EFHC2: variants seen among roughly 807,000 people sequenced by gnomAD.
EFHC2 encodes the protein EF-hand domain-containing family member C2.
In EFHC2, 18 loss-of-function variants were observed where a neutral mutation model predicts 52.7. The ratio of observed to expected loss-of-function variants is 0.34; its 90% CI spans 0.24 to 0.51. The LOEUF is 0.51. EFHC2 is among the 20% of genes least tolerant of loss of function. EFHC2 has a pLI of 0.97. For synonymous variants in EFHC2, 203 were observed against 204.1 expected (o/e 0.99, Z 0.04); for missense variants, 513 against 562.5 (o/e 0.91, Z 0.89).
intron 11 of EFHC2, among the ~76,000 whole-genome samples, chrX:44,208,266 A>G (rs966314608): frequency 3.6e-5 from 4 of 112,262 alleles, no homozygotes; most frequent in Non-Finnish European, 7.5e-5. Context: ...TCAGTGCAAG[A>G]AAGTGTGGTA....
chrX:44,229,091 T>G (rs2037255334), intron 11 of EFHC2, among the ~76,000 whole-genome samples: 1 of 112,390 alleles, frequency 8.9e-6, no homozygotes, highest in South Asian at 3.6e-4. Context: ...AAAATCTTAA[T>G]CATGATTTGT....
chrX:44,221,002 T>C (rs2037189567), intron 11 of EFHC2, among the ~76,000 whole-genome samples: 2 of 111,997 alleles, frequency 1.8e-5, no homozygotes. Flanking sequence ...ATATTATTCT[T>C]TTTAAATGTT....
intron 11 of EFHC2, among the ~76,000 whole-genome samples, chrX:44,210,303 C>T (rs2037085596): frequency 8.9e-6 from 1 of 112,127 alleles, no homozygotes; most frequent in Non-Finnish European, 1.9e-5. Flanking sequence ...AAAATCCCAA[C>T]AGGGTTTGTT....
intron 11 of EFHC2, among the ~76,000 whole-genome samples, chrX:44,206,989 C>T (rs746095967): frequency 1.1e-3 from 122 of 111,630 alleles, no homozygotes; most frequent in Non-Finnish European, 1.9e-3. Context: ...ACCAAAACAG[C>T]ATGGTACTTG....
intron 2 of EFHC2, among the ~76,000 whole-genome samples, chrX:44,294,360 A>G (rs2037813563): frequency 9.2e-6 from 1 of 109,192 alleles, no homozygotes; most frequent in Non-Finnish European, 1.9e-5. Flanking sequence ...ATTTTGCAAT[A>G]TTTTTTAAAA....
chrX:44,190,323 C>A (rs547367490), intron 11 of EFHC2, among the ~76,000 whole-genome samples: 1 of 111,416 alleles, frequency 9.0e-6, no homozygotes, highest in African/African-American at 3.3e-5. Flanking sequence ...ATAAGCATCC[C>A]TGGGGTTCCT....
At chrX:44,200,371 AC>A (rs925057519) in intron 11 of EFHC2, among the ~76,000 whole-genome samples, 1 of 111,642 alleles carries the variant, frequency 9.0e-6, no homozygotes, top group African/African-American at 3.2e-5. Context: ...GGACAATAGA[AC>A]AAAAATCAGT....
intron 3 of EFHC2, among the ~76,000 whole-genome samples, chrX:44,272,467 G>A (rs1030571750): frequency 8.9e-6 from 1 of 111,913 alleles, no homozygotes; most frequent in Non-Finnish European, 1.9e-5. Flanking sequence ...AGTATGCCAC[G>A]GAGGAGTGAG....
intron 1 of EFHC2, among the ~76,000 whole-genome samples, chrX:44,318,904 C>T (rs768441258): frequency 2.7e-5 from 3 of 110,730 alleles, no homozygotes; most frequent in Non-Finnish European, 3.8e-5. Context: ...TAAAGTTTCC[C>T]GAGGGACACA....
At chrX:44,322,123 T>TA (rs1032421034) in intron 1 of EFHC2, among the ~76,000 whole-genome samples, 3 of 108,840 alleles carry the variant, frequency 2.8e-5, no homozygotes, top group Non-Finnish European at 5.7e-5. Context: ...AAATGTTTTC[T>TA]AAAAAATAAT....
Position 44,229,752 on chromosome X carries a change from G to A in EFHC2, c.1648C>T (p.Leu550=). 8.3e-7 allele frequency: 1 copy of A among 1,209,712 alleles called. No homozygotes were observed. Among genetic ancestry groups the A allele is most frequent in the South Asian group, 1.8e-5 (1 of 56,732 alleles). The change falls in exon 11 of 15, where the codon CTA becomes TTA. Residue 550 remains leucine, a synonymous_variant. Transcript: ENST00000420999. ...KYPFSNLKLA[L]QKLKQEEGKS... ...CCTTCTTCTTGCTTCAGCTTTTGTA[G>A]GGCAAGTTTGAGGTTACTGAAAGGA... is the stretch of plus-strand genomic sequence containing the variant.
intron 8 of EFHC2, among the ~76,000 whole-genome samples, chrX:44,240,638 G>A (rs970478919): frequency 3.6e-5 from 4 of 111,592 alleles, no homozygotes; most frequent in Admixed American, 1.9e-4. Context: ...CACTGTTCTC[G>A]ATAAGGGAGG....
chrX:44,276,362 A>T (rs2037658268), intron 2 of EFHC2, among the ~76,000 whole-genome samples: 1 of 111,770 alleles, frequency 8.9e-6, no homozygotes, highest in Non-Finnish European at 1.9e-5. Flanking sequence ...CCAGGAATTT[A>T]AGGCTGCACT....
At chrX:44,314,307 G>A (rs995381460) in intron 1 of EFHC2, among the ~76,000 whole-genome samples, 1 of 112,485 alleles carries the variant, frequency 8.9e-6, no homozygotes, top group Non-Finnish European at 1.9e-5. Flanking sequence ...GCCCAGGACT[G>A]TATATAGCCA....
intron 11 of EFHC2, among the ~76,000 whole-genome samples, chrX:44,218,602 A>G (rs973222780): frequency 1.3e-4 from 15 of 112,549 alleles, no homozygotes; most frequent in Non-Finnish European, 2.4e-4. Flanking sequence ...TCATAGACTT[A>G]AAAGCGAAAG....
chrX:44,273,366 G>A (rs1180194988), intron 2 of EFHC2, among the ~76,000 whole-genome samples: 1 of 112,075 alleles, frequency 8.9e-6, no homozygotes. Flanking sequence ...GAACCTCAAG[G>A]AGCCTAGCCC....
intron 13 of EFHC2, among the ~76,000 whole-genome samples, chrX:44,172,182 T>G (rs2036750936): frequency 8.9e-6 from 1 of 112,166 alleles, no homozygotes; most frequent in African/African-American, 3.2e-5. Flanking sequence ...CAAAGCCAAC[T>G]ATAAAAGTCT....
chrX:44,149,029 C>T (rs2036548135), intron 14 of EFHC2, 133 bp from the exon 15 acceptor site: 9 of 496,188 alleles, frequency 1.8e-5, no homozygotes, highest in Non-Finnish European at 2.7e-5. Context: ...TTGTGGTCTA[C>T]TGGATACTTG....
Position 44,343,569 on chromosome X carries a change from G to T in EFHC2, c.20C>A (p.Pro7Gln). The stretch of plus-strand genomic sequence containing the variant: ...CACGTTGCGGTTGAAGCTGTTGCCC[G>T]GCAGCAGAGGCAGGGCCATGGCGCT... MALPLL[P>Q]GNSFNRNVGK... The change falls in exon 1 of 15, where the codon CCG becomes CAG. Residue 7 changes from proline to glutamine, a missense_variant. Transcript: ENST00000420999. 8.4e-7 allele frequency: 1 copy of T among 1,196,546 alleles called. No homozygotes were observed. Among genetic ancestry groups the T allele is most frequent in the Middle Eastern group, 2.3e-4 (1 of 4,329 alleles).
Sources: allele counts gnomAD v4.1 joint callset (sites outside exome capture counted in the v4.1 genomes callset), GRCh38; gene constraint gnomAD v4.1.1; transcripts MANE v1.5; gene names NCBI Gene and HGNC (gene_info 2026-07-23, HGNC 2026-07-21).